BOC: variants seen among roughly 807,000 people sequenced by gnomAD.
BOC encodes the protein brother of CDO.
Under a neutral mutation model 112.0 loss-of-function variants are expected in BOC, and 76 were observed. That is an observed-to-expected ratio of 0.68 (90% CI 0.56 to 0.82). The LOEUF is 0.82. BOC is among the 40% of genes least tolerant of loss of function. BOC has a pLI of 0.00. For synonymous variants in BOC, 580 were observed against 599.8 expected, an observed-to-expected ratio of 0.97 and a Z score of 0.48; for missense variants, 1,309 against 1,511.7, an observed-to-expected ratio of 0.87 and a Z score of 2.22.
intron 2 of BOC, among the ~76,000 whole-genome samples, chr3:113,245,808 C>A (rs536631992): frequency 6.6e-6 from 1 of 152,234 alleles, no homozygotes; most frequent in Admixed American, 6.5e-5. Context: ...CTATTCAGCT[C>A]ACCTTTGTTA....
Position 113,286,669 on chromosome 3 carries a change from C to A in BOC, c.3161-6C>A. 1 of 1,566,992 alleles carries A rather than the reference C, an allele frequency of 6.4e-7. No individual in the cohort carries two copies. The highest frequency in any genetic ancestry group is 1.9e-5 in the Admixed American group (1 of 51,582). ...TTTTAATGGTTCCTACTCTTTCTCC[C>A]CTCAGGGCCCCCATGCTGCTTGGGC... On this transcript the variant is annotated splice_polypyrimidine_tract_variant and splice_region_variant and intron_variant, in intron 19 of 19. Coordinates refer to ENST00000682979, the MANE Select transcript of BOC (RefSeq NM_001378074.1).
chr3:113,253,327 C>T (rs1381109372), intron 4 of BOC, among the ~76,000 whole-genome samples: 1 of 152,156 alleles, frequency 6.6e-6, no homozygotes, highest in Non-Finnish European at 1.5e-5. Context: ...ATATGGCTTA[C>T]ACCTGTAATC....
chr3:113,270,974 G>C, intron 6 of BOC, 30 bp downstream of exon 6: 1 of 1,613,332 alleles, frequency 6.2e-7, no homozygotes, highest in Non-Finnish European at 8.5e-7. Flanking sequence ...GCTGGGGGAT[G>C]GGGGATCACT....
At chr3:113,222,357 A>G (rs752525137) in intron 2 of BOC, among the ~76,000 whole-genome samples, 2 of 152,220 alleles carry the variant, frequency 1.3e-5, no homozygotes, top group Non-Finnish European at 2.9e-5. Flanking sequence ...TTCAAACAAA[A>G]TGAAATAATT....
Position 113,278,773 on chromosome 3 carries a change from C to A in BOC, c.1806C>A (p.Gly602=). 6.4e-7 allele frequency: 1 copy of A among 1,555,066 alleles called. No homozygotes were observed. Among genetic ancestry groups the A allele is most frequent in the Non-Finnish European group, 8.7e-7 (1 of 1,148,862 alleles). ...SPQSSSQPDH[G]RLSPPEAPDR... ...AGAGCAGCAGCCAGCCAGACCACGG[C>A]CGCCTCTCCCGTAAGCCGCTAGCAG... The change falls in exon 11 of 20, where the codon GGC becomes GGA. Residue 602 remains glycine (G), a synonymous_variant. Transcript: ENST00000682979. This position sits in a 1 kb window ranked among gnomAD's most constrained non-coding sequence, Gnocchi z 4.2.
intron 4 of BOC, among the ~76,000 whole-genome samples, chr3:113,262,254 G>A (rs557866477): frequency 6.6e-6 from 1 of 152,368 alleles, no homozygotes; most frequent in African/African-American, 2.4e-5. Context: ...AGATTACAGT[G>A]TTGACTTAGG....
intron 15 of BOC, among the ~76,000 whole-genome samples, chr3:113,281,620 A>C (rs1032876554): frequency 1.3e-5 from 2 of 152,238 alleles, no homozygotes; most frequent in Non-Finnish European, 2.9e-5. Context: ...TTTCTGTTGC[A>C]CTTAAAACAT....
At chr3:113,280,533 C>T (rs1353002012) in intron 13 of BOC, 25 bp from the exon 14 acceptor site, 24 of 1,519,102 alleles carry the variant, frequency 1.6e-5, no homozygotes, top group Non-Finnish European at 2.2e-5. Context: ...CCATTGTCAA[C>T]TTGTTTCTTC....
At position 113,278,747 on chromosome 3, in the gene BOC, C is replaced by T; in HGVS notation, c.1780C>T (p.Gln594Ter). 1 of 1,564,050 alleles carries T rather than the reference C, an allele frequency of 6.4e-7. No individual in the cohort carries two copies. Residue 594 changes from glutamine (Q) to a stop codon, truncating the protein, a stop_gained, in exon 11 of 20, where the codon CAG (glutamine) becomes TAG (stop). Transcript: ENST00000682979. LOFTEE classifies it high-confidence loss of function. The surrounding 1 kb of genome is among the most constrained non-coding windows in gnomAD (Gnocchi z 4.2). ...IQRDDPGASP[Q>*]SSSQPDHGRL... ...GAGAGACGACCCTGGAGCCAGTCCC[C>T]AGAGCAGCAGCCAGCCAGACCACGG...
intron 4 of BOC, 92 bp from the exon 5 acceptor site, chr3:113,268,207 C>A: frequency 1.3e-6 from 2 of 1,547,956 alleles, no homozygotes; most frequent in Non-Finnish European, 1.7e-6. Flanking sequence ...TGAGCTTTGT[C>A]ATGACTGACA....
At chr3:113,220,521 A>G (rs1211491923) in intron 2 of BOC, among the ~76,000 whole-genome samples, 3 of 152,206 alleles carry the variant, frequency 2.0e-5, no homozygotes, top group Non-Finnish European at 4.4e-5. Flanking sequence ...CGTTCCTCTA[A>G]ACGTGAGAAG....
chr3:113,226,097 A>T (rs1195840514), intron 2 of BOC, among the ~76,000 whole-genome samples: 1 of 152,176 alleles, frequency 6.6e-6, no homozygotes, highest in African/African-American at 2.4e-5. Context: ...CAAATGTATG[A>T]TCTGAAAAAG....
intron 4 of BOC, chr3:113,251,059 G>A (rs921568988): frequency 3.2e-6 from 2 of 620,910 alleles, no homozygotes; most frequent in African/African-American, 3.7e-5. Context: ...TGGAGTGAGT[G>A]TCTACAGAGA....
chr3:113,276,710 C>G (rs1174690903), intron 9 of BOC, among the ~76,000 whole-genome samples: 3 of 152,318 alleles, frequency 2.0e-5, no homozygotes, highest in Middle Eastern at 3.4e-3. Flanking sequence ...TCTGCAGACC[C>G]TGGGCTACTG....
At chr3:113,279,115 T>C in intron 11 of BOC, 134 bp from the exon 12 acceptor site, 2 of 892,502 alleles carry the variant, frequency 2.2e-6, no homozygotes, top group Non-Finnish European at 3.5e-6. Flanking sequence ...CACCAGTGGG[T>C]GGAGGGCTGT....
At chr3:113,281,215 C>T in intron 15 of BOC, 62 bp downstream of exon 15, 1 of 1,593,930 alleles carries the variant, frequency 6.3e-7, no homozygotes, top group South Asian at 1.1e-5. Flanking sequence ...GCAGAGTCAC[C>T]ATTCCCTGTG....
rs1949752328 is a variant in BOC at position 113,286,919 on chromosome 3, A to T, written c.*57A>T. ...TTGTTTTTTTTTTAAAAAAAAAAAGAAGAAAAAAGAGACAGAGAAAATTGG... is the reference window on the plus strand; with the variant it reads ...TTGTTTTTTTTTTAAAAAAAAAAAGTAGAAAAAAGAGACAGAGAAAATTGG... On this transcript the variant is annotated 3_prime_UTR_variant, in exon 20 of 20. Coordinates refer to ENST00000682979, the MANE Select transcript of BOC (RefSeq NM_001378074.1). 1 of 1,410,882 alleles carries T rather than the reference A, an allele frequency of 7.1e-7. No individual in the cohort carries two copies. The highest frequency in any genetic ancestry group is 9.5e-7 in the Non-Finnish European group (1 of 1,047,168). 87.4% of individuals were successfully genotyped at this position (1,410,882 alleles called of 1,614,324 possible). A position where few individuals can be genotyped will look rare whatever the true frequency, so the allele number is the denominator to read the frequency against.
chr3:113,264,917 G>A (rs1947302863), intron 4 of BOC, among the ~76,000 whole-genome samples: 1 of 152,228 alleles, frequency 6.6e-6, no homozygotes, highest in Admixed American at 6.5e-5. Context: ...CGCCCCTTGT[G>A]GGGAGCTGGA....
intron 18 of BOC, 39 bp downstream of exon 18, chr3:113,284,897 G>C: frequency 6.3e-7 from 1 of 1,579,504 alleles, no homozygotes; most frequent in Non-Finnish European, 8.7e-7. Context: ...AAGCCCCACA[G>C]CCTCACTTTC....
Sources: gnomAD v4.1 joint callset for allele counts (sites outside exome capture counted in the v4.1 genomes callset) on GRCh38, gnomAD v4.1.1 for gene constraint, Gnocchi (gnomAD v3.1) non-coding constraint, MANE v1.5 for transcripts, NCBI Gene and HGNC (gene_info 2026-07-23, HGNC 2026-07-21) for gene names.